The following METTL15 variants were observed in gnomAD, a reference collection of about 807,000 sequenced individuals.
METTL15 encodes the protein 12S rRNA N(4)-cytidine methyltransferase METTL15.
METTL15 carries 34 observed loss-of-function variants against 38.3 expected under a neutral mutation model. That is an observed-to-expected ratio of 0.89 (90% CI 0.68 to 1.18). METTL15 has a LOEUF of 1.18. METTL15 is among the 50% of genes most tolerant of loss of function. The pLI is 0.00. For missense variants in METTL15, 438 were observed against 498.4 expected, an observed-to-expected ratio of 0.88 and a Z score of 1.15; for synonymous variants, 162 against 170.9, an observed-to-expected ratio of 0.95 and a Z score of 0.41.
At chr11:28,246,532 C>T (rs557635002) in intron 4 of METTL15, among the ~76,000 whole-genome samples, 2 of 152,130 alleles carry the variant, frequency 1.3e-5, no homozygotes, top group African/African-American at 4.8e-5. Context: ...ATTAACTGAG[C>T]TAATAAATGT....
intron 6 of METTL15, among the ~76,000 whole-genome samples, chr11:28,507,823 C>T (rs1387844760): frequency 1.3e-5 from 2 of 152,204 alleles, no homozygotes; most frequent in African/African-American, 4.8e-5. Context: ...GAGACCATCA[C>T]ACCTTTCCTG....
At chr11:28,116,166 C>T (rs1173911322) in intron 3 of METTL15, among the ~76,000 whole-genome samples, 1 of 151,812 alleles carries the variant, frequency 6.6e-6, no homozygotes, top group African/African-American at 2.4e-5. Flanking sequence ...AATCTAAGAC[C>T]TTCTTTAATC....
At chr11:28,351,682 G>C (rs1850043155) in intron 3 of METTL15, among the ~76,000 whole-genome samples, 1 of 152,152 alleles carries the variant, frequency 6.6e-6, no homozygotes. Flanking sequence ...TATAAATTAA[G>C]TGTAAACTTA....
chr11:28,430,247 A>G (rs1417246051), intron 6 of METTL15, among the ~76,000 whole-genome samples: 1 of 106,634 alleles, frequency 9.4e-6, no homozygotes, highest in Admixed American at 9.3e-5. Flanking sequence ...GCCCCCCGCC[A>G]GGCCAGCCGC....
chr11:28,262,204 C>T (rs538509170), intron 4 of METTL15, among the ~76,000 whole-genome samples: 1 of 152,044 alleles, frequency 6.6e-6, no homozygotes, highest in Admixed American at 6.6e-5. Flanking sequence ...AGAAAGTTTT[C>T]TGATTTTGAA....
chr11:28,418,295 A>G (rs1697477059), intron 5 of METTL15, among the ~76,000 whole-genome samples: 1 of 152,206 alleles, frequency 6.6e-6, no homozygotes. Flanking sequence ...CGTTCTTGTG[A>G]GAAAGGTCCA....
intron 5 of METTL15, among the ~76,000 whole-genome samples, chr11:28,365,798 T>C (rs1256282181): frequency 6.6e-6 from 1 of 152,158 alleles, no homozygotes; most frequent in East Asian, 1.9e-4. Context: ...GCGCCTGTAA[T>C]CCCAGCACTT....
chr11:28,294,974 G>A (rs905807580), intron 5 of METTL15, among the ~76,000 whole-genome samples: 1 of 152,050 alleles, frequency 6.6e-6, no homozygotes, highest in Non-Finnish European at 1.5e-5. Flanking sequence ...TCTTGGTAAA[G>A]CTGGACTGTA....
intron 5 of METTL15, among the ~76,000 whole-genome samples, chr11:28,403,790 T>G (rs1434337490): frequency 6.6e-6 from 1 of 152,164 alleles, no homozygotes; most frequent in African/African-American, 2.4e-5. Flanking sequence ...ATGGCAAAGC[T>G]GTTTTTATAA....
In METTL15 at chr11:28,410,208, A is replaced by C. The variant is rs145003044; in HGVS notation, c.*359-14091A>C. Among the ~76,000 whole-genome samples the C allele has an allele frequency of 3.9e-3, 587 of 152,294 alleles. 6 individuals are homozygous for C. Among genetic ancestry groups the C allele is most frequent in the African/African-American group, 0.013 (547 of 41,586 alleles). On this transcript the variant is annotated intron_variant and NMD_transcript_variant, in intron 5 of 7. Transcript: ENST00000532947. ...CATACAAAGAAGAATGATTACCAAT[A>C]ATTTTTAAATTCTTTCAAAAAATAG...
chr11:28,355,619 G>A (rs371482486), intron 4 of METTL15, among the ~76,000 whole-genome samples: 30 of 152,196 alleles, frequency 2.0e-4, no homozygotes, highest in African/African-American at 4.8e-4. Flanking sequence ...AAGTATTTCC[G>A]TAGCATTTAC....
chr11:28,349,621 T>C (rs1850025291), intron 3 of METTL15, among the ~76,000 whole-genome samples: 1 of 152,246 alleles, frequency 6.6e-6, no homozygotes, highest in African/African-American at 2.4e-5. Context: ...CCTTGATCTA[T>C]TTATTTACCT....
chr11:28,152,656 G>A (rs995097165), intron 3 of METTL15, among the ~76,000 whole-genome samples: 10 of 151,780 alleles, frequency 6.6e-5, no homozygotes, highest in African/African-American at 2.4e-5. Flanking sequence ...ACCAAAATCC[G>A]AAGATACTCA....
chr11:28,369,233 G>A (rs1444918955), intron 5 of METTL15, among the ~76,000 whole-genome samples: 3 of 151,878 alleles, frequency 2.0e-5, no homozygotes, highest in South Asian at 2.1e-4. Context: ...TCAAAGACAG[G>A]TACTTTTCCA....
At chr11:28,529,115 GAA>G (rs1042363261), downstream of METTL15, among the ~76,000 whole-genome samples, 8 of 152,136 alleles carry the variant, frequency 5.3e-5, no homozygotes, top group Non-Finnish European at 4.4e-5. Flanking sequence ...GTTGAGAAGA[GAA>G]AGACTTTAAG....
chr11:28,244,684 A>G (rs1382532960), intron 4 of METTL15, among the ~76,000 whole-genome samples: 4 of 152,208 alleles, frequency 2.6e-5, no homozygotes, highest in Non-Finnish European at 4.4e-5. Context: ...AGCAAGTGTC[A>G]GGAATATTCT....
rs1319286792 is a variant in METTL15 at position 28,431,161 on chromosome 11, G to T, written c.*424+6797G>T. On this transcript the variant is annotated intron_variant and NMD_transcript_variant, in intron 6 of 7. Coordinates refer to the METTL15 transcript ENST00000532947. ...GCCCCATCCGGGAGGGAGGTGGGGG[G>T]GTCAGCCCCCTGCCCGGCCATCCGC... 1.8e-4 allele frequency among the ~76,000 whole-genome samples: 16 copies of T among 90,966 alleles called. 4 individuals carry two copies. The highest frequency in any genetic ancestry group is 5.4e-5 in the Non-Finnish European group (2 of 37,214). 59.7% of individuals were successfully genotyped at this position (90,966 alleles called of 152,430 possible).
intron 4 of METTL15, among the ~76,000 whole-genome samples, chr11:28,283,185 G>T (rs1565222841): frequency 1.3e-5 from 2 of 152,082 alleles, no homozygotes; most frequent in Non-Finnish European, 2.9e-5. Context: ...CAGAAAGTTA[G>T]TTCCAAATTC....
chr11:28,121,298 A>G (rs1415022991), intron 3 of METTL15, among the ~76,000 whole-genome samples: 8 of 152,134 alleles, frequency 5.3e-5, no homozygotes. Context: ...AGGGCAATAA[A>G]TATTTATTTT....
Sources: gnomAD v4.1 joint callset for allele counts (sites outside exome capture counted in the v4.1 genomes callset) on GRCh38, gnomAD v4.1.1 for gene constraint, MANE v1.5 for transcripts, NCBI Gene and HGNC (gene_info 2026-07-23, HGNC 2026-07-21) for gene names.